The following PACRGL variants were observed in gnomAD, a reference collection of about 807,000 sequenced individuals.
The protein encoded by PACRGL is PACRG-like protein.
A neutral mutation model predicts 34.5 loss-of-function variants in PACRGL; 38 were observed. The observed-to-expected ratio is 1.10, with a 90% CI of 0.85 to 1.44. The LOEUF (loss-of-function observed/expected upper bound fraction) is 1.44, where lower values mean the gene tolerates loss of function less well. PACRGL is among the 40% of genes most tolerant of loss of function. The pLI, the probability that PACRGL is intolerant of heterozygous loss-of-function variation, is 0.00. For synonymous variants in PACRGL, 128 were observed against 100.1 expected, an observed-to-expected ratio of 1.28 and a Z score of -1.66; for missense variants, 305 against 281.4, an observed-to-expected ratio of 1.08 and a Z score of -0.60.
chr4:20,733,179 C>T (rs78004989), downstream of PACRGL, among the ~76,000 whole-genome samples: 329 of 152,108 alleles, frequency 2.2e-3, 1 homozygote, highest in Non-Finnish European at 2.8e-3. Context: ...TACGGCACAT[C>T]GTATATTGAG....
chr4:20,721,668 C>G (rs183353235), intron 7 of PACRGL, among the ~76,000 whole-genome samples: 897 of 152,250 alleles, frequency 5.9e-3, no homozygotes, highest in Middle Eastern at 0.014. Context: ...ATGTTGCTGC[C>G]TGATCGTTCC....
At chr4:20,738,210 T>G (rs148826343) in intron 8 of PACRGL, among the ~76,000 whole-genome samples, 1 of 152,274 alleles carries the variant, frequency 6.6e-6, no homozygotes, top group African/African-American at 2.4e-5. Context: ...TCAAGGAAGA[T>G]TGCTGAGCAG....
chr4:20,714,937 G>T lies in PACRGL; in HGVS notation c.609+1398G>T, dbSNP rs530849483. ...TCCCATTACTGGGTATATACCCAAA[G>T]GACTATAAATCATGCTGCTATAAAG... On this transcript the variant is annotated intron_variant, in intron 7 of 8. Coordinates refer to ENST00000503585, the MANE Select transcript of PACRGL (RefSeq NM_001258345.3). Among the ~76,000 whole-genome samples the T allele has an allele frequency of 2.6e-5, 4 of 152,222 alleles. No homozygotes were observed. In the East Asian group the frequency reaches 7.7e-4, roughly 29 times the overall value.
At position 20,731,750 on chromosome 4, in the gene PACRGL, G is replaced by T; in HGVS notation, c.*4409G>T. On this transcript the variant is annotated 3_prime_UTR_variant, in exon 9 of 9. Transcript: ENST00000503585. ...TCCATGAATACTCTCTAAGGAATTT[G>T]GGAATCAACACAGTACATGTACAAC... 1.0e-6 allele frequency: 1 copy of T among 985,352 alleles called. No homozygotes were observed. Among genetic ancestry groups the T allele is most frequent in the South Asian group, 4.7e-5 (1 of 21,284 alleles). The allele number at this position is 985,352 out of a possible 1,614,324, so 61.0% of individuals were successfully genotyped here.
the PACRGL span, among the ~76,000 whole-genome samples, chr4:20,759,643 T>TAA: frequency 5.3e-5 from 8 of 151,542 alleles, no homozygotes; most frequent in South Asian, 2.1e-4. Context: ...TTTTTGCTAA[T>TAA]AAAAAAAAGA....
At chr4:20,736,704 C>A (rs1042222783), downstream of PACRGL, among the ~76,000 whole-genome samples, 1 of 152,136 alleles carries the variant, frequency 6.6e-6, no homozygotes, top group Admixed American at 6.5e-5. Flanking sequence ...ATGATACTTA[C>A]TTTTATCATG....
the PACRGL span, among the ~76,000 whole-genome samples, chr4:20,765,310 G>A: frequency 6.6e-6 from 1 of 152,018 alleles, no homozygotes; most frequent in Admixed American, 6.6e-5. Context: ...GTCTCCTGGA[G>A]AGTCATCTGT....
At chr4:20,722,468 G>A (rs1203117736) in intron 7 of PACRGL, among the ~76,000 whole-genome samples, 8 of 152,076 alleles carry the variant, frequency 5.3e-5, no homozygotes, top group African/African-American at 1.4e-4. Context: ...TCTTGGAACC[G>A]CCCCCTTCTT....
chr4:20,703,604 C>A (rs190762987), intron 1 of PACRGL, among the ~76,000 whole-genome samples: 54 of 151,592 alleles, frequency 3.6e-4, no homozygotes, highest in African/African-American at 1.3e-3. Flanking sequence ...CCTCCATTAG[C>A]AGAAAAAAAG....
At position 20,731,918 on chromosome 4, in the gene PACRGL, T is replaced by A; in HGVS notation, c.*4577T>A. 1 of 1,561,314 alleles carries A rather than the reference T, an allele frequency of 6.4e-7. No homozygotes were observed. The highest frequency in any genetic ancestry group is 1.2e-5 in the South Asian group (1 of 83,806). On this transcript the variant is annotated 3_prime_UTR_variant, in exon 9 of 9. Coordinates refer to ENST00000503585, the MANE Select transcript of PACRGL (RefSeq NM_001258345.3). ...AAACTTAGGCATATGATCTCTATATTTCGCCCAGTTCATGGTAGCTAGCTG... is the reference window on the plus strand; with the variant it reads ...AAACTTAGGCATATGATCTCTATATATCGCCCAGTTCATGGTAGCTAGCTG...
intron 7 of PACRGL, among the ~76,000 whole-genome samples, chr4:20,719,609 GGTT>G (rs1156633789): frequency 6.6e-6 from 1 of 152,224 alleles, no homozygotes; most frequent in Non-Finnish European, 1.5e-5. Context: ...TTCCGGAGCA[GGTT>G]GTTCAGTTTC....
chr4:20,709,655 G>A, intron 4 of PACRGL, 28 bp from the exon 5 acceptor site: 1 of 1,392,510 alleles, frequency 7.2e-7, no homozygotes, highest in Non-Finnish European at 1.0e-6. Flanking sequence ...TATTTTTCTT[G>A]TTGCATTCAC....
intron 1 of PACRGL, among the ~76,000 whole-genome samples, chr4:20,702,908 C>A (rs534688122): frequency 9.9e-4 from 151 of 152,168 alleles, no homozygotes; most frequent in African/African-American, 3.4e-3. Flanking sequence ...TAAATGAGAT[C>A]AATGTACTAA....
At chr4:20,765,971 G>C in the PACRGL span, among the ~76,000 whole-genome samples, 5 of 152,058 alleles carry the variant, frequency 3.3e-5, no homozygotes, top group African/African-American at 9.7e-5. Flanking sequence ...TAATAAGGCA[G>C]TATTACTATT....
chr4:20,746,734 C>T (rs555473320), intron 8 of PACRGL, among the ~76,000 whole-genome samples: 41 of 152,230 alleles, frequency 2.7e-4, no homozygotes, highest in Middle Eastern at 6.8e-3. Flanking sequence ...GGTCTCAGAG[C>T]CGCTGGGTGG....
chr4:20,765,846 T>C, the PACRGL span, among the ~76,000 whole-genome samples: 1 of 152,230 alleles, frequency 6.6e-6, no homozygotes, highest in Non-Finnish European at 1.5e-5. Flanking sequence ...GGGGCCTTAC[T>C]GCTGTGTTCC....
intron 3 of PACRGL, among the ~76,000 whole-genome samples, chr4:20,705,496 G>C (rs1169130681): frequency 6.6e-6 from 1 of 152,094 alleles, no homozygotes; most frequent in Admixed American, 6.6e-5. Context: ...CAAGACAGAA[G>C]GAGTGTCCGA....
chr4:20,709,344 C>T (rs1246558259), intron 4 of PACRGL, among the ~76,000 whole-genome samples: 1 of 152,222 alleles, frequency 6.6e-6, no homozygotes, highest in African/African-American at 2.4e-5. Context: ...TTAATAATTA[C>T]TATGTTTTGT....
downstream of PACRGL, among the ~76,000 whole-genome samples, chr4:20,734,905 C>G (rs940607606): frequency 2.0e-5 from 3 of 152,078 alleles, no homozygotes; most frequent in East Asian, 1.9e-4. Flanking sequence ...GCATAAATCA[C>G]TCCTTAGTCT....
Sources: gnomAD v4.1 joint callset for allele counts (sites outside exome capture counted in the v4.1 genomes callset) on GRCh38, gnomAD v4.1.1 for gene constraint, MANE v1.5 for transcripts, NCBI Gene and HGNC (gene_info 2026-07-23, HGNC 2026-07-21) for gene names.